The following ITSN1 variants were observed in gnomAD, a reference collection of about 807,000 sequenced individuals.
ITSN1 encodes intersectin-1.
In ITSN1, 58 loss-of-function variants were observed where a neutral mutation model predicts 239.8. The ratio of observed to expected loss-of-function variants is 0.24; its 90% CI spans 0.20 to 0.30. The LOEUF (loss-of-function observed/expected upper bound fraction) is 0.30. Among genes scored for constraint, ITSN1 ranks in the 10% least tolerant of loss-of-function variants. The probability of loss-of-function intolerance (pLI) is 1.00; values close to 1 mark genes in which losing one functional copy is unlikely to be tolerated. For missense variants in ITSN1, 1,558 were observed against 2,103.3 expected (o/e 0.74, Z 5.07); for synonymous variants, 780 against 770.8 (o/e 1.01, Z -0.20).
intron 7 of ITSN1, among the ~76,000 whole-genome samples, chr21:33,753,442 C>A (rs1342733769): frequency 6.6e-6 from 1 of 152,060 alleles, no homozygotes; most frequent in Non-Finnish European, 1.5e-5. Flanking sequence ...AAACCTATAT[C>A]ATCTTACACT....
chr21:33,862,302 AT>A (rs1167854942), intron 31 of ITSN1, among the ~76,000 whole-genome samples: 13 of 152,036 alleles, frequency 8.6e-5, no homozygotes, highest in Admixed American at 8.5e-4. Flanking sequence ...GAAAAAAAAA[AT>A]AAGAGCTTGT....
At chr21:33,841,243 A>G (rs574522994) in intron 29 of ITSN1, among the ~76,000 whole-genome samples, 1 of 152,264 alleles carries the variant, frequency 6.6e-6, no homozygotes, top group Non-Finnish European at 1.5e-5. Context: ...CAGCGATGCC[A>G]TCAGAAGAAA....
chr21:33,665,524 A>C (rs1163925502), intron 1 of ITSN1, among the ~76,000 whole-genome samples: 2 of 152,218 alleles, frequency 1.3e-5, no homozygotes, highest in African/African-American at 4.8e-5. Flanking sequence ...TGGAATCCTC[A>C]TATATTGCTG....
intron 18 of ITSN1, among the ~76,000 whole-genome samples, chr21:33,798,985 C>T (rs1306267728): frequency 2.0e-5 from 3 of 152,084 alleles, no homozygotes; most frequent in Non-Finnish European, 4.4e-5. Flanking sequence ...TTTTCCCCTT[C>T]AGTCAGTAGG....
chr21:33,750,171 G>A lies in ITSN1; in HGVS notation c.375G>A (p.Pro125=), dbSNP rs770247191. The A allele has an allele frequency of 8.7e-6, 14 of 1,613,938 alleles. No homozygotes were observed. Among genetic ancestry groups the A allele is most frequent in the South Asian group, 3.3e-5 (3 of 91,076 alleles). The change falls in exon 6 of 40, where the codon CCG becomes CCA. Residue 125 remains proline (P), a synonymous_variant. Transcript: ENST00000381318. ...TGGGAGGTATCGCCAGCATGCCACCGCTTACAGCTGTTGCTCCAGTGCCAA... is the reference window on the plus strand; with the variant it reads ...TGGGAGGTATCGCCAGCATGCCACCACTTACAGCTGTTGCTCCAGTGCCAA... ...FGMGGIASMP[P]LTAVAPVPMG...
At chr21:33,835,921 G>C (rs28452824) in intron 28 of ITSN1, among the ~76,000 whole-genome samples, 2,737 of 152,240 alleles carry the variant, frequency 0.018, 81 homozygotes, top group African/African-American at 0.062. Context: ...ACAGAGCGAG[G>C]CTCTGTCTCA....
At chr21:33,713,869 C>T (rs1468371136) in intron 1 of ITSN1, among the ~76,000 whole-genome samples, 12 of 111,602 alleles carry the variant, frequency 1.1e-4, no homozygotes, top group African/African-American at 4.2e-4. Flanking sequence ...GAGTCTTGCT[C>T]TGTCACCCAA....
intron 29 of ITSN1, among the ~76,000 whole-genome samples, chr21:33,846,204 C>T (rs536986227): frequency 3.3e-5 from 5 of 152,264 alleles, no homozygotes; most frequent in African/African-American, 1.2e-4. Context: ...CTCATTTAAG[C>T]CACTGGTAGG....
intron 29 of ITSN1, among the ~76,000 whole-genome samples, chr21:33,855,868 G>T (rs2148474813): frequency 6.6e-6 from 1 of 152,350 alleles, no homozygotes; most frequent in East Asian, 1.9e-4. Flanking sequence ...TGTGCCCAGT[G>T]CTGTCTGGAG....
chr21:33,646,985 C>CAA (rs978025053), intron 1 of ITSN1, among the ~76,000 whole-genome samples: 6 of 114,434 alleles, frequency 5.2e-5, no homozygotes, highest in African/African-American at 2.0e-4. Context: ...GGCCCTGTCT[C>CAA]AAAAAAAAAA....
chr21:33,813,823 C>CTTT (rs764000502), intron 21 of ITSN1, 90 bp from the exon 22 acceptor site: 84 of 930,846 alleles, frequency 9.0e-5, no homozygotes, highest in African/African-American at 2.1e-4. Flanking sequence ...GGAGTGCTTG[C>CTTT]TTTTTTTTTT....
chr21:33,678,057 T>C (rs2090702952), intron 1 of ITSN1, among the ~76,000 whole-genome samples: 1 of 152,196 alleles, frequency 6.6e-6, no homozygotes, highest in Admixed American at 6.5e-5. Flanking sequence ...ATCCAAGCCT[T>C]ACTATAAAAG....
intron 24 of ITSN1, among the ~76,000 whole-genome samples, chr21:33,822,363 G>C (rs2073735805): frequency 6.6e-6 from 1 of 152,112 alleles, no homozygotes; most frequent in African/African-American, 2.4e-5. Flanking sequence ...ATCATCTGAG[G>C]TTTAGAGAGA....
intron 34 of ITSN1, among the ~76,000 whole-genome samples, chr21:33,877,563 T>G (rs1224693290): frequency 2.0e-5 from 3 of 152,192 alleles, no homozygotes; most frequent in African/African-American, 7.2e-5. Context: ...AATGTTTTAT[T>G]GCTCATCCCC....
intron 20 of ITSN1, among the ~76,000 whole-genome samples, chr21:33,804,216 C>G (rs1260237206): frequency 6.6e-6 from 1 of 152,112 alleles, no homozygotes; most frequent in Non-Finnish European, 1.5e-5. Flanking sequence ...AGAAGTCTAA[C>G]ATTGTGACAG....
Position 33,772,048 on chromosome 21 carries a change from TC to T in ITSN1, c.1043-11del. On this transcript the variant is annotated splice_polypyrimidine_tract_variant and intron_variant, in intron 11 of 39. Coordinates refer to ENST00000381318, the MANE Select transcript of ITSN1 (RefSeq NM_003024.3). The stretch of plus-strand genomic sequence containing the variant: ...TCTTGAGTTTTCATAGTTGCTGTGT[TC>T]CTTGTCTGAAGTAACGTTTGAAGAT... 1.9e-6 allele frequency: 3 copies of T among 1,612,972 alleles called. No individual in the cohort carries two copies. The highest frequency in any genetic ancestry group is 2.5e-6 in the Non-Finnish European group (3 of 1,179,194).
chr21:33,867,707 C>G (rs1413134664), intron 33 of ITSN1, among the ~76,000 whole-genome samples: 2 of 151,282 alleles, frequency 1.3e-5, no homozygotes, highest in East Asian at 3.9e-4. Flanking sequence ...TCACTGACTT[C>G]AAGAATGAAG....
chr21:33,682,821 C>T (rs1046758638), intron 1 of ITSN1, among the ~76,000 whole-genome samples: 6 of 151,720 alleles, frequency 4.0e-5, no homozygotes, highest in African/African-American at 1.2e-4. Flanking sequence ...TTTTTTTTTC[C>T]CCATATGGCT....
rs201443803 is a variant in ITSN1 at position 33,885,141 on chromosome 21, G to A, written c.4759+18G>A. ...GTACCTGGGTAATGCATGGCCCCGC[G>A]GGGTGTCCTGCACAGCTGGGCAGGA... On this transcript the variant is annotated intron_variant, in intron 37 of 39. Transcript: ENST00000381318. 6.2e-6 allele frequency: 10 copies of A among 1,603,830 alleles called. No homozygotes were observed. In the Admixed American group the frequency reaches 8.3e-5, roughly 13 times the overall value.
Sources: gnomAD v4.1 joint callset for allele counts (sites outside exome capture counted in the v4.1 genomes callset) on GRCh38, gnomAD v4.1.1 for gene constraint, MANE v1.5 for transcripts, NCBI Gene and HGNC (gene_info 2026-07-23, HGNC 2026-07-21) for gene names.